Variants in SCMH1 observed in about 807,000 individuals in gnomAD.
SCMH1 encodes Scm polycomb group protein homolog 1.
In SCMH1, 37 loss-of-function variants were observed where a neutral mutation model predicts 70.8. The ratio of observed to expected loss-of-function variants is 0.52; its 90% CI spans 0.40 to 0.69. The LOEUF (loss-of-function observed/expected upper bound fraction) is 0.69, where lower values mean the gene tolerates loss of function less well. Ranked by LOEUF, SCMH1 falls within the 30% of genes least tolerant of loss-of-function variation. The pLI, the probability that SCMH1 is intolerant of heterozygous loss-of-function variation, is 0.00. For missense variants in SCMH1, 607 were observed against 827.3 expected (o/e 0.73, Z 3.27); for synonymous variants, 292 against 307.4 (o/e 0.95, Z 0.52).
chr1:41,060,812 A>C (rs369656855), intron 10 of SCMH1, among the ~76,000 whole-genome samples: 3 of 151,902 alleles, frequency 2.0e-5, no homozygotes, highest in South Asian at 4.2e-4. Flanking sequence ...TGCTTGATTA[A>C]TTTTTTAATT....
intron 10 of SCMH1, among the ~76,000 whole-genome samples, chr1:41,069,479 C>A (rs1655741480): frequency 6.6e-6 from 1 of 152,014 alleles, no homozygotes; most frequent in Admixed American, 6.6e-5. Flanking sequence ...TTGTGTAGAC[C>A]CTTCATTCCT....
At chr1:41,160,010 T>C (rs971340463) in intron 4 of SCMH1, 3 of 332,232 alleles carry the variant, frequency 9.0e-6, no homozygotes, top group East Asian at 5.2e-5. Flanking sequence ...ACAAAGTTAC[T>C]AAGTGGCAGA....
At chr1:41,089,606 A>C (rs1392047757) in intron 8 of SCMH1, among the ~76,000 whole-genome samples, 1 of 152,036 alleles carries the variant, frequency 6.6e-6, no homozygotes, top group East Asian at 1.9e-4. Context: ...GCCTGTTAAA[A>C]CATGCTTCAG....
chr1:41,085,216 C>A (rs1269374631), intron 8 of SCMH1, among the ~76,000 whole-genome samples: 2 of 151,732 alleles, frequency 1.3e-5, no homozygotes, highest in Non-Finnish European at 1.5e-5. Flanking sequence ...TGGGTCTATA[C>A]TATAAATGCA....
At position 41,113,225 on chromosome 1, in the gene SCMH1, GGGT is replaced by G; in HGVS notation, c.745+55_745+57del. ...GTGAAGATATGATCATGACAGCCCTGGGTAGTCTCCCTTATCATCTGGGTCCTG... is the reference window on the plus strand; with the variant it reads ...GTGAAGATATGATCATGACAGCCCTGAGTCTCCCTTATCATCTGGGTCCTG... On this transcript the variant is annotated intron_variant, in intron 8 of 14. Coordinates refer to ENST00000337495, the Ensembl canonical transcript of SCMH1. This position sits in a 1 kb window ranked among gnomAD's most constrained non-coding sequence, Gnocchi z 4.3. The G allele has an allele frequency of 1.3e-6, 2 of 1,577,254 alleles. No individual in the cohort carries two copies. Among genetic ancestry groups the G allele is most frequent in the Non-Finnish European group, 1.7e-6 (2 of 1,162,390 alleles).
intron 8 of SCMH1, among the ~76,000 whole-genome samples, chr1:41,076,434 T>A (rs1571847897): frequency 6.6e-6 from 1 of 152,312 alleles, no homozygotes; most frequent in South Asian, 2.1e-4. Flanking sequence ...GAACTTACTA[T>A]AAGTTATACA....
intron 12 of SCMH1, among the ~76,000 whole-genome samples, chr1:41,039,501 A>C (rs1452995938): frequency 2.7e-5 from 4 of 150,674 alleles, no homozygotes; most frequent in Non-Finnish European, 4.4e-5. Context: ...TTTGAGACAG[A>C]GTCTCACTCT....
intron 8 of SCMH1, among the ~76,000 whole-genome samples, chr1:41,082,319 G>C (rs1228310834): frequency 6.6e-6 from 1 of 152,122 alleles, no homozygotes; most frequent in Non-Finnish European, 1.5e-5. Context: ...TAGAGAGAAA[G>C]GTCGGGTTAC....
intron 8 of SCMH1, among the ~76,000 whole-genome samples, chr1:41,077,952 A>G (rs913651342): frequency 1.3e-5 from 2 of 152,234 alleles, no homozygotes; most frequent in Non-Finnish European, 2.9e-5. Flanking sequence ...ATATTATCCA[A>G]ATAATGGAAC....
At chr1:41,108,586 C>A (rs1044065634) in intron 8 of SCMH1, among the ~76,000 whole-genome samples, 3 of 152,092 alleles carry the variant, frequency 2.0e-5, no homozygotes, top group African/African-American at 7.2e-5. Context: ...ATTAGTTGGA[C>A]GCTTGGTAGT....
At chr1:41,146,237 A>G (rs1030317298) in intron 5 of SCMH1, among the ~76,000 whole-genome samples, 4 of 152,166 alleles carry the variant, frequency 2.6e-5, no homozygotes, top group African/African-American at 9.6e-5. Flanking sequence ...AAAAAATTAA[A>G]AATTATTTTT....
At chr1:41,050,052 TA>T (rs950650965) in intron 10 of SCMH1, among the ~76,000 whole-genome samples, 226 of 143,100 alleles carry the variant, frequency 1.6e-3, no homozygotes, top group Non-Finnish European at 1.5e-3. Flanking sequence ...ACTCCGTCTT[TA>T]AAAAAAAAAA....
At chr1:41,201,349 T>C (rs1654313434) in intron 1 of SCMH1, among the ~76,000 whole-genome samples, 1 of 152,214 alleles carries the variant, frequency 6.6e-6, no homozygotes, top group Non-Finnish European at 1.5e-5. Flanking sequence ...TGGTTCATTC[T>C]ACTACTGAGA....
chr1:41,187,983 A>C (rs954368208), intron 1 of SCMH1, among the ~76,000 whole-genome samples: 3 of 151,968 alleles, frequency 2.0e-5, no homozygotes, highest in Non-Finnish European at 2.9e-5. Context: ...ACACTGTCTC[A>C]AAATAAATAA....
upstream of SCMH1, chr1:41,242,239 G>T (rs1176739363): frequency 7.2e-6 from 1 of 139,534 alleles, no homozygotes; most frequent in Non-Finnish European, 1.6e-5. This position sits in a 1 kb window ranked among gnomAD's most constrained non-coding sequence, Gnocchi z 5.2. Context: ...CGGGGCGGGG[G>T]CTCCCCCGGC....
chr1:41,230,883 G>A (rs1228867429), intron 1 of SCMH1, among the ~76,000 whole-genome samples: 1 of 152,072 alleles, frequency 6.6e-6, no homozygotes. Context: ...TTCTCCAGGC[G>A]ATTCTGATAT....
chr1:41,097,180 A>G (rs1390266739), intron 8 of SCMH1, among the ~76,000 whole-genome samples: 1 of 152,198 alleles, frequency 6.6e-6, no homozygotes, highest in Non-Finnish European at 1.5e-5. Flanking sequence ...TTTTACTGGA[A>G]ACTCATCTGG....
intron 6 of SCMH1, among the ~76,000 whole-genome samples, chr1:41,135,385 T>C (rs992247754): frequency 1.3e-5 from 2 of 152,172 alleles, no homozygotes; most frequent in Admixed American, 6.5e-5. Flanking sequence ...AAGTGAATCA[T>C]GGGGGCAGTT....
chr1:41,158,375 C>T (rs1645734358), intron 4 of SCMH1, among the ~76,000 whole-genome samples: 1 of 152,174 alleles, frequency 6.6e-6, no homozygotes, highest in African/African-American at 2.4e-5. Context: ...ACTGGAGAGA[C>T]AGAGGGTGCT....
Sources: gnomAD v4.1 joint callset for allele counts (sites outside exome capture counted in the v4.1 genomes callset) on GRCh38, gnomAD v4.1.1 for gene constraint, Gnocchi (gnomAD v3.1) non-coding constraint, MANE v1.5 for transcripts, NCBI Gene and HGNC (gene_info 2026-07-23, HGNC 2026-07-21) for gene names.